Variants in GAP43 observed in about 807,000 individuals in gnomAD.
The protein encoded by GAP43 is growth associated protein 43, also known as neuromodulin.
A neutral mutation model predicts 18.6 loss-of-function variants in GAP43; 6 were observed. The observed-to-expected ratio is 0.32, with a 90% confidence interval of 0.18 to 0.64. The LOEUF (loss-of-function observed/expected upper bound fraction) is 0.64, where lower values mean the gene tolerates loss of function less well. Among genes scored for constraint, GAP43 ranks in the 30% least tolerant of loss-of-function variants. The pLI, the probability that GAP43 is intolerant of heterozygous loss-of-function variation, is 0.78. For missense variants in GAP43, 292 were observed against 295.5 expected (o/e 0.99, Z 0.09); for synonymous variants, 115 against 111.4 (o/e 1.03, Z -0.20).
At chr3:115,700,958 A>G (rs551487630) in intron 2 of GAP43, among the ~76,000 whole-genome samples, 1 of 152,276 alleles carries the variant, frequency 6.6e-6, no homozygotes, top group Admixed American at 6.5e-5. Flanking sequence ...GCAGACATCA[A>G]ACATGACCCA....
Position 115,676,042 on chromosome 3 carries a change from T to G in GAP43, c.60T>G (p.Ile20Met). 1.2e-6 allele frequency: 2 copies of G among 1,605,926 alleles called. No homozygotes were observed. The highest frequency in any genetic ancestry group is 1.7e-6 in the Non-Finnish European group (2 of 1,177,378). ...AAAAAAATGATGACGACCAAAAGAT[T>G]GAACAAGATGGTATCAAACCAGAAG... ...QVEKNDDDQK[I>M]EQDGIKPEDK... is the part of the protein sequence containing the mutation. The change falls in exon 2 of 3, where the codon ATT (isoleucine) becomes ATG (methionine). Residue 20 changes from isoleucine (I) to methionine (M), a missense_variant. Ile to Met is a conservative substitution (Grantham distance 10). Coordinates refer to ENST00000305124, the MANE Select transcript of GAP43 (RefSeq NM_002045.4).
chr3:115,675,132 CACA>C (rs1708863900), intron 1 of GAP43, among the ~76,000 whole-genome samples: 1 of 152,096 alleles, frequency 6.6e-6, no homozygotes, highest in Non-Finnish European at 1.5e-5. Context: ...AGTGCAGTGA[CACA>C]ACAACAGCTC....
Position 115,623,510 on chromosome 3 carries a change from A to G in GAP43, c.-180A>G. 2 of 663,312 alleles carry G rather than the reference A, an allele frequency of 3.0e-6. No homozygotes were observed. Among genetic ancestry groups the G allele is most frequent in the Non-Finnish European group, 5.3e-6 (2 of 376,864 alleles). 41.1% of individuals were successfully genotyped at this position (663,312 alleles called of 1,614,324 possible). A position where few individuals can be genotyped will look rare whatever the true frequency, so the allele number is the denominator to read the frequency against. On this transcript the variant is annotated 5_prime_UTR_variant, in exon 1 of 3. Coordinates refer to ENST00000305124, the MANE Select transcript of GAP43 (RefSeq NM_002045.4). ...GCGATGAGCAATAGCTGTGGACCTT[A>G]CAGTTGCTGCTAACTGCCCTGGTGT...
chr3:115,695,358 TTTA>T (rs1709172248), intron 2 of GAP43, among the ~76,000 whole-genome samples: 1 of 152,158 alleles, frequency 6.6e-6, no homozygotes, highest in African/African-American at 2.4e-5. Flanking sequence ...TCAAATAACA[TTTA>T]TTATTAGTTT....
chr3:115,716,757 T>TAC (rs1211322405), intron 2 of GAP43, among the ~76,000 whole-genome samples: 3 of 114,416 alleles, frequency 2.6e-5, no homozygotes, highest in African/African-American at 1.2e-4. Context: ...TATATATATA[T>TAC]ATATATATAT....
chr3:115,675,403 A>T (rs1461478591), intron 1 of GAP43, among the ~76,000 whole-genome samples: 3 of 151,922 alleles, frequency 2.0e-5, no homozygotes, highest in Non-Finnish European at 4.4e-5. Flanking sequence ...AAGTACTTCT[A>T]AAAAAAAGGC....
At chr3:115,686,488 G>A (rs1167643625) in intron 2 of GAP43, among the ~76,000 whole-genome samples, 1 of 152,080 alleles carries the variant, frequency 6.6e-6, no homozygotes, top group Non-Finnish European at 1.5e-5. Flanking sequence ...GATCTGAGCT[G>A]TATCTTTTTA....
chr3:115,626,423 C>A (rs929203948), intron 1 of GAP43, among the ~76,000 whole-genome samples: 1 of 152,054 alleles, frequency 6.6e-6, no homozygotes, highest in South Asian at 2.1e-4. Flanking sequence ...CATAAATGAT[C>A]TCTATTAGCC....
At position 115,641,441 on chromosome 3, in the gene GAP43, CTATA is replaced by C. The variant is rs372157588; in HGVS notation, c.30+17733_30+17736del. ...GTGTGCATATATATACACACAGACA[CTATA>C]TATATATATAGAGAGAGAAAGAGTG... On this transcript the variant is annotated intron_variant, in intron 1 of 2. Coordinates refer to ENST00000305124, the MANE Select transcript of GAP43 (RefSeq NM_002045.4). 1.8e-3 allele frequency among the ~76,000 whole-genome samples: 264 copies of C among 146,942 alleles called. 2 individuals carry two copies. The highest frequency in any genetic ancestry group is 5.5e-3 in the African/African-American group (219 of 39,738).
intron 1 of GAP43, among the ~76,000 whole-genome samples, chr3:115,667,436 G>T: frequency 6.6e-6 from 1 of 151,966 alleles, no homozygotes; most frequent in Non-Finnish European, 1.5e-5. Context: ...TTATGAAGGG[G>T]GTTTAATTAA....
intron 2 of GAP43, among the ~76,000 whole-genome samples, chr3:115,680,629 C>A (rs1298706429): frequency 6.6e-6 from 1 of 152,146 alleles, no homozygotes; most frequent in Non-Finnish European, 1.5e-5. Context: ...TATGCCAATG[C>A]ACTTTGGACA....
At chr3:115,633,276 G>T (rs1428493228) in intron 1 of GAP43, among the ~76,000 whole-genome samples, 2 of 152,056 alleles carry the variant, frequency 1.3e-5, no homozygotes, top group Admixed American at 6.6e-5. Context: ...GAGGATGAAT[G>T]AATTTTATTG....
intron 2 of GAP43, among the ~76,000 whole-genome samples, chr3:115,697,729 T>C (rs1427709186): frequency 6.6e-6 from 1 of 152,124 alleles, no homozygotes; most frequent in Admixed American, 6.6e-5. Flanking sequence ...TGCTTAGAAG[T>C]GAGCTGCCTT....
chr3:115,661,215 T>TA (rs1411301588), intron 1 of GAP43: 1 of 152,240 alleles, frequency 6.6e-6, no homozygotes, highest in Non-Finnish European at 1.5e-5. Context: ...GGCATGCTGC[T>TA]AGCTCACTGG....
chr3:115,712,136 T>A (rs28399406), intron 2 of GAP43, among the ~76,000 whole-genome samples: 32 of 152,154 alleles, frequency 2.1e-4, no homozygotes, highest in African/African-American at 4.8e-4. Flanking sequence ...TTTAATTTTT[T>A]AAAAAAATAT....
intron 2 of GAP43, among the ~76,000 whole-genome samples, chr3:115,683,151 A>G (rs6804592): frequency 0.011 from 999 of 92,976 alleles, 9 homozygotes; most frequent in Middle Eastern, 0.015. Context: ...GCGCGCGCAC[A>G]CACACACACA....
chr3:115,626,493 G>C (rs1708189948), intron 1 of GAP43, among the ~76,000 whole-genome samples: 1 of 152,114 alleles, frequency 6.6e-6, no homozygotes, highest in African/African-American at 2.4e-5. Context: ...GGGTAGAGAT[G>C]AGAATATGGT....
intron 1 of GAP43, among the ~76,000 whole-genome samples, chr3:115,663,311 C>G (rs748329308): frequency 2.0e-5 from 3 of 152,170 alleles, no homozygotes; most frequent in Non-Finnish European, 4.4e-5. Context: ...GAATTTAAAT[C>G]CTCACACTCA....
chr3:115,673,167 G>A (rs11716216), intron 1 of GAP43, among the ~76,000 whole-genome samples: 11,479 of 152,236 alleles, frequency 0.075, 612 homozygotes, highest in Non-Finnish European at 0.12. Context: ...TAGATGCTGT[G>A]TTCAGAAGCT....
Sources: gnomAD v4.1 joint callset for allele counts (sites outside exome capture counted in the v4.1 genomes callset) on GRCh38, gnomAD v4.1.1 for gene constraint, MANE v1.5 for transcripts, NCBI Gene and HGNC (gene_info 2026-07-23, HGNC 2026-07-21) for gene names.